The following LIPI variants were observed in gnomAD, a reference collection of about 807,000 sequenced individuals.
The protein encoded by LIPI is lipase member I.
Under a neutral mutation model 50.6 loss-of-function variants are expected in LIPI, and 59 were observed. The ratio of observed to expected loss-of-function variants is 1.16; its 90% CI spans 0.94 to 1.45. LIPI has a LOEUF of 1.45. Ranked by LOEUF, LIPI falls within the 40% of genes most tolerant of loss-of-function variation. The pLI, the probability that LIPI is intolerant of heterozygous loss-of-function variation, is 0.00. For synonymous variants in LIPI, 203 were observed against 178.2 expected (o/e 1.14, Z -1.11); for missense variants, 586 against 536.3 (o/e 1.09, Z -0.92).
At chr21:14,181,645 ATTTAAAATCATTTTATCCATGATG>A (rs1206775584) in intron 4 of LIPI, 89 bp downstream of exon 4, 1 of 677,752 alleles carries the variant, frequency 1.5e-6, no homozygotes, top group African/African-American at 1.8e-5. Flanking sequence ...ATAATTACAG[ATTTAAAATCATTTTATCCATGATG>A]TTTTTTCTTC....
intron 1 of LIPI, among the ~76,000 whole-genome samples, chr21:14,208,331 C>G (rs1157474393): frequency 1.3e-5 from 2 of 152,126 alleles, no homozygotes; most frequent in African/African-American, 4.8e-5. Flanking sequence ...GATAAGAATT[C>G]GCATTTTTAT....
intron 9 of LIPI, among the ~76,000 whole-genome samples, chr21:14,110,959 A>C (rs560545243): frequency 1.3e-5 from 2 of 148,450 alleles, no homozygotes; most frequent in South Asian, 2.1e-4. Flanking sequence ...TATAATATAC[A>C]TATTATATTT....
intron 7 of LIPI, among the ~76,000 whole-genome samples, chr21:14,159,126 T>G (rs921172464): frequency 1.3e-5 from 2 of 151,454 alleles, no homozygotes; most frequent in Admixed American, 1.3e-4. Flanking sequence ...ACTTGCCCAC[T>G]TTTTTTATGA....
chr21:14,136,620 T>A (rs1003321039), intron 9 of LIPI, among the ~76,000 whole-genome samples: 5 of 152,044 alleles, frequency 3.3e-5, no homozygotes, highest in Admixed American at 3.3e-4. Flanking sequence ...TACTTCTGGA[T>A]CCACTCAGGG....
chr21:14,186,440 C>T (rs78236628), intron 2 of LIPI, among the ~76,000 whole-genome samples: 6,092 of 152,210 alleles, frequency 0.04, 190 homozygotes, highest in Middle Eastern at 0.061. Flanking sequence ...CTTCCAATTT[C>T]GTTATGAGTT....
chr21:14,174,774 C>T (rs1392902175), intron 4 of LIPI, among the ~76,000 whole-genome samples: 2 of 152,090 alleles, frequency 1.3e-5, no homozygotes, highest in Admixed American at 6.6e-5. Flanking sequence ...AGGCTGGTCT[C>T]GAACTCCTGA....
At chr21:14,162,100 T>C (rs2018519381) in intron 7 of LIPI, among the ~76,000 whole-genome samples, 1 of 150,164 alleles carries the variant, frequency 6.7e-6, no homozygotes, top group Non-Finnish European at 1.5e-5. Context: ...TGTATTGATA[T>C]ATATATCATA....
intron 4 of LIPI, among the ~76,000 whole-genome samples, chr21:14,168,054 A>G (rs2018756341): frequency 6.6e-6 from 1 of 152,244 alleles, no homozygotes; most frequent in Non-Finnish European, 1.5e-5. Flanking sequence ...AGGCTCGAGA[A>G]CTATGTGAAG....
chr21:14,181,369 C>T (rs1010112623), intron 4 of LIPI, among the ~76,000 whole-genome samples: 3 of 152,060 alleles, frequency 2.0e-5, no homozygotes, highest in Middle Eastern at 6.8e-3. Flanking sequence ...CAGTTCTAGT[C>T]GATATATATC....
intron 8 of LIPI, among the ~76,000 whole-genome samples, chr21:14,145,939 T>G (rs983678019): frequency 6.6e-6 from 1 of 152,144 alleles, no homozygotes; most frequent in Non-Finnish European, 1.5e-5. Context: ...TTCTGCTACC[T>G]CCTGGCAGGG....
At chr21:14,177,853 T>C (rs2019148027) in intron 4 of LIPI, among the ~76,000 whole-genome samples, 3 of 152,150 alleles carry the variant, frequency 2.0e-5, no homozygotes, top group Admixed American at 1.3e-4. Flanking sequence ...AAGAATAATT[T>C]TCCTTCCACC....
At chr21:14,127,919 T>C (rs1162964748) in intron 9 of LIPI, among the ~76,000 whole-genome samples, 6 of 152,096 alleles carry the variant, frequency 3.9e-5, no homozygotes, top group African/African-American at 1.4e-4. Flanking sequence ...TAAAACAAAC[T>C]TTGGGGAAAA....
At chr21:14,154,745 C>A (rs117593469) in intron 7 of LIPI, among the ~76,000 whole-genome samples, 1 of 151,922 alleles carries the variant, frequency 6.6e-6, no homozygotes, top group Non-Finnish European at 1.5e-5. Flanking sequence ...ATAAGTTAGT[C>A]GCTGAGAAAA....
chr21:14,178,448 G>A (rs73346061), intron 4 of LIPI, among the ~76,000 whole-genome samples: 2,058 of 151,918 alleles, frequency 0.014, 50 homozygotes, highest in African/African-American at 0.046. Flanking sequence ...TAGTTCACTC[G>A]CTCACTCTCT....
At chr21:14,187,915 A>T (rs573208567) in intron 2 of LIPI, among the ~76,000 whole-genome samples, 1 of 152,324 alleles carries the variant, frequency 6.6e-6, no homozygotes, top group East Asian at 1.9e-4. Flanking sequence ...CACAGATGAT[A>T]AAAGATGGAC....
At chr21:14,167,938 A>G (rs1451897778) in intron 4 of LIPI, among the ~76,000 whole-genome samples, 1 of 152,206 alleles carries the variant, frequency 6.6e-6, no homozygotes, top group Non-Finnish European at 1.5e-5. Flanking sequence ...GGACATTCAA[A>G]CCAAACGCAA....
Position 14,144,756 on chromosome 21 carries a change from C to T in LIPI, c.1162G>A (p.Ala388Thr). The change falls in exon 9 of 10, where the codon GCT (alanine) becomes ACT (threonine). Residue 388 changes from alanine (A) to threonine (T), a missense_variant. Ala to Thr is a moderately conservative substitution (Grantham distance 58, BLOSUM62 0). Coordinates refer to ENST00000681601, the MANE Select transcript of LIPI (RefSeq NM_001302998.2). Reference sequence around the variant, plus strand: ...TTTACAAAGTCATTATAAAATTGAGCAAGAATCTTGACTTCTTGAAGTTTA... The same window carrying T: ...TTTACAAAGTCATTATAAAATTGAGTAAGAATCTTGACTTCTTGAAGTTTA... ...FYKLQEVKIL[A>T]QFYNDFVNIS... 6.3e-7 allele frequency: 1 copy of T among 1,586,062 alleles called. No individual in the cohort carries two copies. Among genetic ancestry groups the T allele is most frequent in the Non-Finnish European group, 8.7e-7 (1 of 1,155,522 alleles).
intron 7 of LIPI, among the ~76,000 whole-genome samples, chr21:14,156,779 TGTTA>T (rs2123114032): frequency 6.6e-6 from 1 of 152,034 alleles, no homozygotes; most frequent in South Asian, 2.1e-4. Flanking sequence ...TTGAATAAAT[TGTTA>T]GTTTATTCAA....
At chr21:14,176,418 C>T (rs431864) in intron 4 of LIPI, among the ~76,000 whole-genome samples, 83,558 of 151,540 alleles carry the variant, frequency 0.55, 23,425 homozygotes, top group African/African-American at 0.6. Context: ...CCTTTTAAAA[C>T]AGCTGTACTC....
Sources: gnomAD v4.1 joint callset for allele counts (sites outside exome capture counted in the v4.1 genomes callset) on GRCh38, gnomAD v4.1.1 for gene constraint, MANE v1.5 for transcripts, NCBI Gene and HGNC (gene_info 2026-07-23, HGNC 2026-07-21) for gene names.